The following PTPN14 variants were observed in gnomAD, a reference collection of about 807,000 sequenced individuals.
The protein encoded by PTPN14 is tyrosine-protein phosphatase non-receptor type 14.
PTPN14 carries 53 observed loss-of-function variants against 126.8 expected under a neutral mutation model. The observed-to-expected ratio is 0.42, with a 90% CI of 0.34 to 0.53. PTPN14 has a LOEUF of 0.53. Ranked by LOEUF, PTPN14 falls within the 20% of genes least tolerant of loss-of-function variation. PTPN14 has a pLI of 0.08. For synonymous variants in PTPN14, 630 were observed against 599.3 expected (o/e 1.05, Z -0.75); for missense variants, 1,257 against 1,552.9 (o/e 0.81, Z 3.20).
At chr1:214,443,103 G>A (rs182494249) in intron 3 of PTPN14, among the ~76,000 whole-genome samples, 5 of 152,232 alleles carry the variant, frequency 3.3e-5, no homozygotes, top group East Asian at 1.9e-4. Flanking sequence ...GATTACAGGC[G>A]TGAACCACCG....
intron 1 of PTPN14, among the ~76,000 whole-genome samples, chr1:214,477,214 T>C (rs913466668): frequency 1.3e-5 from 2 of 152,104 alleles, no homozygotes; most frequent in Admixed American, 6.5e-5. Flanking sequence ...GGAGAAAGAA[T>C]GAAAACAGGT....
chr1:214,490,708 G>A (rs141446620), intron 1 of PTPN14, among the ~76,000 whole-genome samples: 3,488 of 150,644 alleles, frequency 0.023, 119 homozygotes, highest in African/African-American at 0.078. Context: ...GTGGTGGTGC[G>A]CGCCTGTAAT....
chr1:214,511,442 C>T (rs1396929726), intron 1 of PTPN14, among the ~76,000 whole-genome samples: 2 of 151,342 alleles, frequency 1.3e-5, no homozygotes, highest in Non-Finnish European at 2.9e-5. Context: ...GAAATCAAAG[C>T]CACAGTGAGA....
At chr1:214,406,403 C>G (rs1659171511) in intron 5 of PTPN14, among the ~76,000 whole-genome samples, 1 of 151,908 alleles carries the variant, frequency 6.6e-6, no homozygotes, top group South Asian at 2.1e-4. Flanking sequence ...ATCGCTTGAA[C>G]CCAGGAGGCG....
chr1:214,374,665 G>A (rs769509939), intron 15 of PTPN14, among the ~76,000 whole-genome samples: 1 of 152,106 alleles, frequency 6.6e-6, no homozygotes, highest in Non-Finnish European at 1.5e-5. Context: ...CAAAACACAG[G>A]GACAAGTTCT....
chr1:214,366,407 G>A (rs1419176216), intron 17 of PTPN14, among the ~76,000 whole-genome samples: 1 of 152,198 alleles, frequency 6.6e-6, no homozygotes, highest in Admixed American at 6.5e-5. Context: ...TAAAAGGAAT[G>A]TTGGGTAATA....
At chr1:214,412,470 T>C (rs186810912) in intron 4 of PTPN14, among the ~76,000 whole-genome samples, 8 of 152,242 alleles carry the variant, frequency 5.3e-5, no homozygotes, top group Middle Eastern at 3.4e-3. Context: ...TGCACCAATG[T>C]TGAGAAGTTG....
chr1:214,451,705 A>C, intron 3 of PTPN14, 100 bp downstream of exon 3: 1 of 1,375,760 alleles, frequency 7.3e-7, no homozygotes, highest in Non-Finnish European at 9.9e-7. Context: ...ACCCGCACCC[A>C]CACCCACACA....
intron 4 of PTPN14, among the ~76,000 whole-genome samples, chr1:214,413,062 A>G (rs1161340523): frequency 1.3e-5 from 2 of 152,162 alleles, no homozygotes; most frequent in Non-Finnish European, 2.9e-5. Flanking sequence ...TTTTTCGTAG[A>G]GACAGAGTCT....
At chr1:214,360,443 G>T (rs1328284215) in intron 18 of PTPN14, among the ~76,000 whole-genome samples, 1 of 152,190 alleles carries the variant, frequency 6.6e-6, no homozygotes, top group African/African-American at 2.4e-5. Flanking sequence ...CAGAGCCTAG[G>T]TTATAAGCTT....
chr1:214,451,414 C>T (rs566764821), intron 3 of PTPN14, among the ~76,000 whole-genome samples: 1 of 152,244 alleles, frequency 6.6e-6, no homozygotes, highest in South Asian at 2.1e-4. Flanking sequence ...GCTCTCCTCC[C>T]ACCTCAGCTT....
chr1:214,375,001 C>T (rs2102525476), intron 15 of PTPN14, among the ~76,000 whole-genome samples: 1 of 152,186 alleles, frequency 6.6e-6, no homozygotes, highest in East Asian at 1.9e-4. Flanking sequence ...TGAAACCCAC[C>T]ACTGACAGTT....
At chr1:214,478,150 T>C (rs953591790) in intron 1 of PTPN14, among the ~76,000 whole-genome samples, 1 of 152,220 alleles carries the variant, frequency 6.6e-6, no homozygotes, top group Non-Finnish European at 1.5e-5. Context: ...ATAAAAGCAA[T>C]GAATCTTAAA....
At chr1:214,518,975 C>G (rs1226548031) in intron 1 of PTPN14, among the ~76,000 whole-genome samples, 1 of 151,992 alleles carries the variant, frequency 6.6e-6, no homozygotes, top group Non-Finnish European at 1.5e-5. Flanking sequence ...TTAAAAAGAA[C>G]AAAACGAAAC....
intron 16 of PTPN14, among the ~76,000 whole-genome samples, chr1:214,370,259 A>C (rs1212331768): frequency 6.6e-6 from 1 of 151,246 alleles, no homozygotes; most frequent in South Asian, 2.1e-4. Context: ...CAGCCTGGGC[A>C]ACAGAGGGGA....
intron 10 of PTPN14, among the ~76,000 whole-genome samples, chr1:214,393,201 A>C (rs1658797915): frequency 6.6e-6 from 1 of 152,188 alleles, no homozygotes; most frequent in South Asian, 2.1e-4. Context: ...ATCTTCCTCT[A>C]ATTACCCTGG....
At chr1:214,541,110 G>A (rs1655823804) in intron 1 of PTPN14, among the ~76,000 whole-genome samples, 1 of 151,742 alleles carries the variant, frequency 6.6e-6, no homozygotes, top group South Asian at 2.1e-4. Context: ...CAGAGAAGAT[G>A]GCAATGATAA....
chr1:214,426,732 C>T (rs944575635), intron 3 of PTPN14, among the ~76,000 whole-genome samples: 1 of 152,138 alleles, frequency 6.6e-6, no homozygotes, highest in Admixed American at 6.5e-5. Flanking sequence ...GACTTAAGAA[C>T]TTAAAACTCT....
chr1:214,525,059 C>T (rs961569762), intron 1 of PTPN14, among the ~76,000 whole-genome samples: 9 of 152,138 alleles, frequency 5.9e-5, no homozygotes, highest in Non-Finnish European at 1.3e-4. Flanking sequence ...TCAGGAGAGG[C>T]CAAGGAGGTA....
Sources: gnomAD v4.1 joint callset for allele counts (sites outside exome capture counted in the v4.1 genomes callset) on GRCh38, gnomAD v4.1.1 for gene constraint, MANE v1.5 for transcripts, NCBI Gene and HGNC (gene_info 2026-07-23, HGNC 2026-07-21) for gene names.